IL17REL: variants seen among roughly 807,000 people sequenced by gnomAD.
IL17REL encodes the protein interleukin-17 receptor E-like protein.
In IL17REL, 36 loss-of-function variants were observed where a neutral mutation model predicts 49.0. The ratio of observed to expected loss-of-function variants is 0.73; its 90% CI spans 0.56 to 0.97. The LOEUF (loss-of-function observed/expected upper bound fraction) is 0.97, where lower values mean the gene tolerates loss of function less well. Among genes scored for constraint, IL17REL ranks in the 50% least tolerant of loss-of-function variants. IL17REL has a pLI of 0.00. For synonymous variants in IL17REL, 206 were observed against 192.4 expected (o/e 1.07, Z -0.58); for missense variants, 470 against 453.9 (o/e 1.04, Z -0.32).
intron 2 of IL17REL, 92 bp from the exon 4 acceptor site, chr22:50,000,955 T>C (rs1187241350): frequency 7.8e-7 from 1 of 1,285,674 alleles, no homozygotes; most frequent in Non-Finnish European, 1.1e-6. Flanking sequence ...CTGCCTTCTC[T>C]CTGTGAAGTG....
chr22:49,999,270 T>C (rs773763375), intron 7 of IL17REL, 21 bp downstream of exon 9: 103 of 1,612,844 alleles, frequency 6.4e-5, no homozygotes, highest in African/African-American at 2.7e-5. Flanking sequence ...CTTCCGCCCG[T>C]TGGCATCGCA....
At chr22:49,996,768 C>T (rs541077021) in exon 13 of IL17REL, 79 of 484,038 alleles carry the variant, frequency 1.6e-4, no homozygotes, top group African/African-American at 1.2e-3. Flanking sequence ...GTCTAGTCCT[C>T]GGCCTCCTGC....
chr22:49,997,005 T>C lies in IL17REL; in HGVS notation c.*33A>G, dbSNP rs778834291. The C allele has an allele frequency of 1.0e-5, 16 of 1,528,816 alleles. No individual in the cohort carries two copies. In the South Asian group the frequency reaches 2.0e-4, roughly 19 times the overall value. The allele number at this position is 1,528,816 out of a possible 1,614,324, so 94.7% of individuals were successfully genotyped here. A position where few individuals can be genotyped will look rare whatever the true frequency, so the allele number is the denominator to read the frequency against. ...GCAGCGACACCCACCTGGATGCAGA[T>C]GCCTGGGGCACAGGCCTCCTCCCTG... On this transcript the variant is annotated 3_prime_UTR_variant, in exon 12 of 13. Coordinates refer to ENST00000341280, the Ensembl canonical transcript of IL17REL.
intron 4 of IL17REL, 90 bp from the exon 6 acceptor site, chr22:50,000,330 C>T (rs2061070402): frequency 1.5e-6 from 1 of 678,134 alleles, no homozygotes; most frequent in Non-Finnish European, 2.5e-6. Context: ...CGCGCTGTGC[C>T]TCTGTCATGC....
chr22:50,000,407 G>A, intron 4 of IL17REL, 71 bp downstream of exon 5: 1 of 1,181,852 alleles, frequency 8.5e-7, no homozygotes, highest in Non-Finnish European at 1.3e-6. Flanking sequence ...CCTGCCCTGG[G>A]CAAGTCCCAC....
At chr22:50,007,846 G>A (rs1014279138) in intron 1 of IL17REL, among the ~76,000 whole-genome samples, 27 of 104,538 alleles carry the variant, frequency 2.6e-4, no homozygotes, top group Non-Finnish European at 5.0e-4. Context: ...TTAAATTCAA[G>A]TAAAAATAAA....
intron 7 of IL17REL, among the ~76,000 whole-genome samples, chr22:49,999,050 G>T (rs1238700735): frequency 6.6e-6 from 1 of 152,110 alleles, no homozygotes. Flanking sequence ...CTCTTGACAG[G>T]CTTGGTTTTC....
At chr22:49,999,680 GAGGT>G (rs2061063342) in intron 5 of IL17REL, 144 bp downstream of exon 7, 2 of 369,236 alleles carry the variant, frequency 5.4e-6, no homozygotes, top group African/African-American at 2.5e-5. Context: ...GCGGGGCGCG[GAGGT>G]GGGTGGGGCC....
intron 1 of IL17REL, among the ~76,000 whole-genome samples, chr22:50,005,759 T>G (rs9617113): frequency 5.9e-5 from 9 of 151,618 alleles, no homozygotes; most frequent in African/African-American, 2.2e-4. Context: ...GAGCCGAGAT[T>G]GCGCCACTGT....
At position 49,998,324 on chromosome 22, in the gene IL17REL, C is replaced by T. The variant is rs1569208468; in HGVS notation, c.602-15G>A. The T allele has an allele frequency of 6.3e-7, 1 of 1,586,264 alleles. No individual in the cohort carries two copies. ...TGCCTCAGTGTCTGCAGGAACCCTC[C>T]CCGAAACACAGGTCAGTTGGGCCCT... On this transcript the variant is annotated splice_polypyrimidine_tract_variant and intron_variant, in intron 7 of 12. Coordinates refer to ENST00000341280, the Ensembl canonical transcript of IL17REL.
Position 49,998,013 on chromosome 22 carries a change from G to A in IL17REL, c.819+12C>T. Reference sequence around the variant, plus strand: ...CCAAATAGGGCACTGGCAGGCTGTGGCAGCCCCTCACCTTCAGGCAGAGCT... The same window carrying A: ...CCAAATAGGGCACTGGCAGGCTGTGACAGCCCCTCACCTTCAGGCAGAGCT... On this transcript the variant is annotated intron_variant, in intron 9 of 12. Coordinates refer to ENST00000341280, the Ensembl canonical transcript of IL17REL. 6.3e-7 allele frequency: 1 copy of A among 1,595,486 alleles called. No homozygotes were observed. Among genetic ancestry groups the A allele is most frequent in the South Asian group, 1.1e-5 (1 of 89,238 alleles).
rs184550332 is a variant in IL17REL, at chr22:50,003,515, A to G, written c.-41-2284T>C. 6.6e-3 allele frequency among the ~76,000 whole-genome samples: 755 copies of G among 114,180 alleles called. 17 individuals are homozygous for G. In the East Asian group the frequency reaches 0.09, roughly 14 times the overall value. 74.9% of individuals were successfully genotyped at this position (114,180 alleles called of 152,430 possible). Reference sequence around the variant, plus strand: ...CAGCCTGGAGACAGAGTGAGACTCCATCTCAAAAAAAAAAAAAAAAAAAAA... The same window carrying G: ...CAGCCTGGAGACAGAGTGAGACTCCGTCTCAAAAAAAAAAAAAAAAAAAAA... On this transcript the variant is annotated intron_variant, in intron 1 of 12. Coordinates refer to ENST00000341280, the Ensembl canonical transcript of IL17REL.
intron 1 of IL17REL, among the ~76,000 whole-genome samples, chr22:50,005,953 G>GT (rs990308347): frequency 3.4e-4 from 51 of 152,140 alleles, no homozygotes; most frequent in African/African-American, 1.2e-3. Context: ...AAAAACATAT[G>GT]TTTTTTTAAA....
At chr22:50,002,404 C>A (rs940466189) in intron 1 of IL17REL, among the ~76,000 whole-genome samples, 8 of 152,104 alleles carry the variant, frequency 5.3e-5, no homozygotes, top group Non-Finnish European at 1.0e-4. Context: ...CGGTTGAGAC[C>A]TTCCACCCAG....
chr22:49,999,158 C>A (rs1225924074), intron 7 of IL17REL, 133 bp downstream of exon 9: 2 of 1,085,588 alleles, frequency 1.8e-6, no homozygotes, highest in Admixed American at 1.7e-5. Flanking sequence ...GGTGACAAGC[C>A]CTTCCGAGCA....
upstream of IL17REL, among the ~76,000 whole-genome samples, chr22:50,010,975 G>A (rs188351863): frequency 1.3e-5 from 2 of 151,418 alleles, no homozygotes; most frequent in African/African-American, 2.4e-5. Flanking sequence ...CCTGCATGCG[G>A]CCCAGCCTCC....
In IL17REL at chr22:50,004,062, T is replaced by A. The variant is rs374290995; in HGVS notation, c.-41-2831A>T. ...ACAAAAATCCACTATTTCTTTTTTG[T>A]TTGTTTTAGTTTTTTGTTTTTTTGT... On this transcript the variant is annotated intron_variant, in intron 1 of 12. Transcript: ENST00000341280. 3.3e-5 allele frequency among the ~76,000 whole-genome samples: 5 copies of A among 152,126 alleles called. No homozygotes were observed. In the South Asian group the frequency reaches 8.4e-4, roughly 25 times the overall value.
intron 1 of IL17REL, among the ~76,000 whole-genome samples, chr22:50,004,992 A>C (rs1451928963): frequency 6.7e-6 from 1 of 149,364 alleles, no homozygotes; most frequent in Non-Finnish European, 1.5e-5. Context: ...AAAAAAAAAA[A>C]GGTGAAGCCA....
At chr22:50,001,317 C>T in intron 1 of IL17REL, 86 bp from the exon 3 acceptor site, 1 of 593,774 alleles carries the variant, frequency 1.7e-6, no homozygotes, top group South Asian at 1.9e-5. Context: ...GGGAGAGAGC[C>T]CTGGGGCTGC....
Sources: gnomAD v4.1 joint callset for allele counts (sites outside exome capture counted in the v4.1 genomes callset) on GRCh38, gnomAD v4.1.1 for gene constraint, MANE v1.5 for transcripts, NCBI Gene and HGNC (gene_info 2026-07-23, HGNC 2026-07-21) for gene names.